The following ZNF385D variants were observed in gnomAD, a reference collection of about 807,000 sequenced individuals.
The protein encoded by ZNF385D is zinc finger protein 385D, also known as zinc finger protein 659.
In ZNF385D, 15 loss-of-function variants were observed where a neutral mutation model predicts 35.8. That is an observed-to-expected ratio of 0.42 (90% CI 0.28 to 0.64). ZNF385D has a LOEUF of 0.64. ZNF385D is among the 30% of genes least tolerant of loss of function. The probability of loss-of-function intolerance (pLI) is 0.23; values close to 1 mark genes in which losing one functional copy is unlikely to be tolerated. For missense variants in ZNF385D, 474 were observed against 494.6 expected (o/e 0.96, Z 0.39); for synonymous variants, 212 against 186.8 (o/e 1.13, Z -1.10).
intron 2 of ZNF385D, among the ~76,000 whole-genome samples, chr3:22,171,755 T>A (rs960925928): frequency 7.9e-5 from 12 of 151,434 alleles, no homozygotes; most frequent in African/African-American, 2.9e-4. Context: ...CAGGCGCCTG[T>A]AGTTCCAGCT....
At chr3:21,921,236 A>AAAC (rs1425546360) in intron 3 of ZNF385D, among the ~76,000 whole-genome samples, 4 of 151,514 alleles carry the variant, frequency 2.6e-5, no homozygotes, top group Non-Finnish European at 5.9e-5. Context: ...AAAAAAAAAA[A>AAAC]AAAAAAATAC....
At chr3:22,233,251 A>C (rs2125301289) in intron 2 of ZNF385D, among the ~76,000 whole-genome samples, 1 of 152,290 alleles carries the variant, frequency 6.6e-6, no homozygotes, top group East Asian at 1.9e-4. Context: ...CAGCACTAAA[A>C]GGGAACAGAT....
chr3:22,065,781 C>A (rs1449658046), intron 3 of ZNF385D, among the ~76,000 whole-genome samples: 1 of 152,114 alleles, frequency 6.6e-6, no homozygotes, highest in East Asian at 1.9e-4. Context: ...TTAAGGGCAC[C>A]AGTGGCCACA....
intron 2 of ZNF385D, among the ~76,000 whole-genome samples, chr3:21,603,712 T>G (rs548277908): frequency 6.6e-6 from 1 of 152,250 alleles, no homozygotes; most frequent in East Asian, 1.9e-4. Flanking sequence ...CAAGTAGTAA[T>G]CAATTTTAAA....
intron 3 of ZNF385D, among the ~76,000 whole-genome samples, chr3:21,557,030 C>G (rs1559401638): frequency 6.6e-6 from 1 of 152,180 alleles, no homozygotes; most frequent in Non-Finnish European, 1.5e-5. Flanking sequence ...TCTCCTGAGA[C>G]TTTGCTGAAG....
At chr3:21,469,800 T>A (rs551741345) in intron 4 of ZNF385D, among the ~76,000 whole-genome samples, 72 of 152,270 alleles carry the variant, frequency 4.7e-4, no homozygotes, top group Middle Eastern at 3.4e-3. Context: ...CTAACAGTAT[T>A]TAAACAGCTA....
intron 2 of ZNF385D, among the ~76,000 whole-genome samples, chr3:21,664,403 G>C (rs976384153): frequency 6.6e-6 from 1 of 152,174 alleles, no homozygotes; most frequent in African/African-American, 2.4e-5. Flanking sequence ...GTTGTTTTAA[G>C]TTAATGGTGG....
intron 2 of ZNF385D, among the ~76,000 whole-genome samples, chr3:21,609,206 C>T (rs1239504748): frequency 4.6e-5 from 7 of 152,240 alleles, no homozygotes; most frequent in East Asian, 1.9e-4. Flanking sequence ...CCTACTGGCC[C>T]GCAGAGGGAT....
intron 3 of ZNF385D, among the ~76,000 whole-genome samples, chr3:21,540,836 C>G (rs1372186739): frequency 6.6e-6 from 1 of 152,144 alleles, no homozygotes; most frequent in African/African-American, 2.4e-5. Context: ...ATTAAACTTT[C>G]ATGGCATATC....
intron 2 of ZNF385D, among the ~76,000 whole-genome samples, chr3:22,341,247 A>G (rs1695407642): frequency 6.6e-6 from 1 of 152,236 alleles, no homozygotes; most frequent in Non-Finnish European, 1.5e-5. Flanking sequence ...TATCTGCATC[A>G]GAAGGACACA....
chr3:21,917,520 T>C (rs1559752131), intron 3 of ZNF385D, among the ~76,000 whole-genome samples: 1 of 152,288 alleles, frequency 6.6e-6, no homozygotes, highest in Non-Finnish European at 1.5e-5. Context: ...TGGAAAGCAT[T>C]AGAATAGAGA....
At chr3:21,918,088 T>G (rs1700279018) in intron 3 of ZNF385D, among the ~76,000 whole-genome samples, 1 of 152,208 alleles carries the variant, frequency 6.6e-6, no homozygotes, top group African/African-American at 2.4e-5. Context: ...TCGAGAATGC[T>G]TCTCAATGTG....
intron 2 of ZNF385D, among the ~76,000 whole-genome samples, chr3:21,636,393 T>TG (rs1559478868): frequency 7.9e-5 from 3 of 37,814 alleles, no homozygotes; most frequent in Admixed American, 7.1e-4. Context: ...TATATATATA[T>TG]ATATATATAT....
chr3:22,182,827 T>C (rs1222583060), intron 2 of ZNF385D, among the ~76,000 whole-genome samples: 1 of 152,032 alleles, frequency 6.6e-6, no homozygotes, highest in Non-Finnish European at 1.5e-5. Flanking sequence ...AGATAAAAAA[T>C]AATTATACAT....
chr3:22,225,186 G>T (rs1698479535), intron 2 of ZNF385D, among the ~76,000 whole-genome samples: 1 of 152,042 alleles, frequency 6.6e-6, no homozygotes, highest in Non-Finnish European at 1.5e-5. Context: ...TTTTGATTGA[G>T]TAGAATATGC....
chr3:21,772,729 T>C (rs1366306812), intron 3 of ZNF385D, among the ~76,000 whole-genome samples: 1 of 151,916 alleles, frequency 6.6e-6, no homozygotes, highest in African/African-American at 2.4e-5. Flanking sequence ...AGAAATGAAA[T>C]AGAGTTGCAA....
chr3:22,102,354 A>T (rs1156911035), intron 3 of ZNF385D, among the ~76,000 whole-genome samples: 2 of 152,104 alleles, frequency 1.3e-5, no homozygotes, highest in African/African-American at 4.8e-5. Context: ...CCAAAAACAG[A>T]GAGAAGCAAT....
chr3:21,725,989 C>T (rs540874608), intron 1 of ZNF385D, among the ~76,000 whole-genome samples: 47 of 152,190 alleles, frequency 3.1e-4, no homozygotes, highest in Admixed American at 1.5e-3. Flanking sequence ...ACGATCAAGT[C>T]GGCTTCATAC....
At chr3:22,074,960 G>T (rs563857268) in intron 3 of ZNF385D, among the ~76,000 whole-genome samples, 4 of 151,934 alleles carry the variant, frequency 2.6e-5, no homozygotes, top group East Asian at 3.9e-4. Flanking sequence ...TGAGAAAAGG[G>T]GGGTGCTTCT....
Sources: gnomAD v4.1 joint callset for allele counts (sites outside exome capture counted in the v4.1 genomes callset) on GRCh38, gnomAD v4.1.1 for gene constraint, MANE v1.5 for transcripts, NCBI Gene and HGNC (gene_info 2026-07-23, HGNC 2026-07-21) for gene names.